PRDM16: variants seen among roughly 807,000 people sequenced by gnomAD.
The protein encoded by PRDM16 is histone-lysine N-methyltransferase PRDM16.
In PRDM16, 23 loss-of-function variants were observed where a neutral mutation model predicts 110.6. The ratio of observed to expected loss-of-function variants is 0.21; its 90% CI spans 0.15 to 0.29. PRDM16 has a LOEUF of 0.29. Among genes scored for constraint, PRDM16 ranks in the 10% least tolerant of loss-of-function variants. PRDM16 has a pLI of 1.00. For missense variants in PRDM16, 1,615 were observed against 1,794.3 expected (o/e 0.90, Z 1.81); for synonymous variants, 799 against 781.8 (o/e 1.02, Z -0.37).
chr1:3,360,105 T>C (rs932391944), intron 3 of PRDM16, among the ~76,000 whole-genome samples: 1 of 152,370 alleles, frequency 6.6e-6, no homozygotes, highest in Admixed American at 6.5e-5. Context: ...TTCTTTTATC[T>C]CATCGTCCAG....
At chr1:3,160,707 C>G (rs1226960827) in intron 1 of PRDM16, among the ~76,000 whole-genome samples, 3 of 152,222 alleles carry the variant, frequency 2.0e-5, no homozygotes, top group Non-Finnish European at 2.9e-5. Flanking sequence ...ATGACGGTGA[C>G]CCTTGGCTCA....
At chr1:3,215,368 G>GATCCA (rs1638995663) in intron 2 of PRDM16, among the ~76,000 whole-genome samples, 14 of 152,318 alleles carry the variant, frequency 9.2e-5, no homozygotes, top group African/African-American at 3.4e-4. Context: ...AGGCCCACGG[G>GATCCA]GTCCAGGAGA....
intron 2 of PRDM16, among the ~76,000 whole-genome samples, chr1:3,205,123 G>C (rs548912879): frequency 4.1e-4 from 63 of 152,066 alleles, no homozygotes; most frequent in South Asian, 1.3e-3. Context: ...TTTGTTTGGT[G>C]GGGGCGGGGC....
rs1401384847 is a variant in PRDM16, at chr1:3,436,472, T to A, written c.*2661T>A. The A allele has an allele frequency of 4.3e-6, 1 of 231,654 alleles. No individual in the cohort carries two copies. Among genetic ancestry groups the A allele is most frequent in the African/African-American group, 2.2e-5 (1 of 45,230 alleles). The allele number at this position is 231,654 out of a possible 1,614,324, so 14.3% of individuals were successfully genotyped here. On this transcript the variant is annotated 3_prime_UTR_variant, in exon 17 of 17. Coordinates refer to ENST00000270722, the MANE Select transcript of PRDM16 (RefSeq NM_022114.4). ...CCCTGAAAATGATGGCAAGCCCAGT[T>A]TCTCCTGAGCATTCAGACCCCCAGG...
At chr1:3,210,588 T>G (rs1020141572) in intron 2 of PRDM16, among the ~76,000 whole-genome samples, 1 of 152,254 alleles carries the variant, frequency 6.6e-6, no homozygotes, top group Non-Finnish European at 1.5e-5. Context: ...ATGCTCTAAA[T>G]AGCAGGCACA....
chr1:3,388,901 G>A (rs942854171), intron 4 of PRDM16, among the ~76,000 whole-genome samples: 1 of 152,152 alleles, frequency 6.6e-6, no homozygotes, highest in South Asian at 2.1e-4. Context: ...CGCCACCCCC[G>A]CATCCCTCAT....
At chr1:3,227,254 T>C (rs1639309200) in intron 2 of PRDM16, among the ~76,000 whole-genome samples, 1 of 152,228 alleles carries the variant, frequency 6.6e-6, no homozygotes, top group South Asian at 2.1e-4. Context: ...CGGTGGCCGT[T>C]TGGGGAGTTT....
intron 3 of PRDM16, among the ~76,000 whole-genome samples, chr1:3,334,562 G>A (rs1445843454): frequency 2.0e-5 from 3 of 152,162 alleles, no homozygotes; most frequent in Non-Finnish European, 4.4e-5. Context: ...AGCGGGACAG[G>A]GAACCAGCCC....
intron 3 of PRDM16, among the ~76,000 whole-genome samples, chr1:3,327,414 C>T (rs1641938225): frequency 6.6e-6 from 1 of 152,196 alleles, no homozygotes; most frequent in Non-Finnish European, 1.5e-5. Flanking sequence ...CCCAACAGCC[C>T]CTCAGCCCCC....
chr1:3,266,930 G>A (rs947767441), intron 3 of PRDM16, among the ~76,000 whole-genome samples: 2 of 152,134 alleles, frequency 1.3e-5, no homozygotes, highest in African/African-American at 4.8e-5. Context: ...CATCCGCCTC[G>A]ACTTCCGAAA....
intron 3 of PRDM16, among the ~76,000 whole-genome samples, chr1:3,258,224 C>T (rs1037695897): frequency 2.6e-5 from 4 of 152,320 alleles, no homozygotes; most frequent in Admixed American, 2.0e-4. Context: ...CATCCCTGTA[C>T]TTTGCAGATT....
intron 3 of PRDM16, among the ~76,000 whole-genome samples, chr1:3,293,103 AC>A (rs1641013481): frequency 6.6e-6 from 1 of 152,154 alleles, no homozygotes; most frequent in Non-Finnish European, 1.5e-5. Context: ...CACCCTATTG[AC>A]CCTATATTCC....
At chr1:3,423,049 G>A (rs1638484184) in intron 12 of PRDM16, among the ~76,000 whole-genome samples, 3 of 152,248 alleles carry the variant, frequency 2.0e-5, no homozygotes, top group African/African-American at 7.2e-5. Context: ...AGGCCAGAGT[G>A]AGCCTGGCCT....
chr1:3,314,156 G>A (rs566591733), intron 3 of PRDM16, among the ~76,000 whole-genome samples: 94 of 151,266 alleles, frequency 6.2e-4, no homozygotes, highest in Non-Finnish European at 8.0e-4. Context: ...GGCCCAGGGA[G>A]TCCTGAGTGC....
At chr1:3,120,075 G>C (rs1173538667) in intron 1 of PRDM16, among the ~76,000 whole-genome samples, 1 of 138,392 alleles carries the variant, frequency 7.2e-6, no homozygotes, top group Non-Finnish European at 1.5e-5. Flanking sequence ...GAAGTGGTCA[G>C]TCTGCCCACC....
rs576685798 is a variant in PRDM16 at position 3,385,169 on chromosome 1, C to T, written c.456C>T (p.Gly152=). 124 of 1,613,594 alleles carry T rather than the reference C, an allele frequency of 7.7e-5. 3 individuals carry two copies. In the South Asian group the frequency reaches 1.3e-3, roughly 17 times the overall value. Residue 152 remains glycine (G), a synonymous_variant, in exon 4 of 17, where the codon GGC becomes GGT. Coordinates refer to ENST00000270722, the MANE Select transcript of PRDM16 (RefSeq NM_022114.4). ...CCCAGCAGATCTCCGAAGACCTGGG[C>T]AGTGAGAAGTTCTGCGTGGATGCAA... The part of the protein sequence containing the change: ...GCITKISEDL[G]SEKFCVDANQ...
chr1:3,371,645 C>T (rs1642910851), intron 3 of PRDM16, among the ~76,000 whole-genome samples: 1 of 152,228 alleles, frequency 6.6e-6, no homozygotes, highest in African/African-American at 2.4e-5. Flanking sequence ...GAACACTGAT[C>T]CTGGGTGAGG....
intron 3 of PRDM16, among the ~76,000 whole-genome samples, chr1:3,301,631 G>A (rs1381185772): frequency 5.3e-5 from 8 of 152,282 alleles, no homozygotes; most frequent in East Asian, 3.9e-4. Context: ...TCCAGGGCTC[G>A]AAAAACGTCC....
chr1:3,292,056 G>C (rs1315084246), intron 3 of PRDM16, among the ~76,000 whole-genome samples: 1 of 152,032 alleles, frequency 6.6e-6, no homozygotes, highest in Non-Finnish European at 1.5e-5. Context: ...GAAGGTGCAT[G>C]GCCGCTTCAG....
Sources: gnomAD v4.1 joint callset for allele counts (sites outside exome capture counted in the v4.1 genomes callset) on GRCh38, gnomAD v4.1.1 for gene constraint, MANE v1.5 for transcripts, NCBI Gene and HGNC (gene_info 2026-07-23, HGNC 2026-07-21) for gene names.